DOCK1: variants seen among roughly 807,000 people sequenced by gnomAD.
DOCK1 encodes dedicator of cytokinesis 1.
A neutral mutation model predicts 262.7 loss-of-function variants in DOCK1; 138 were observed. That is an observed-to-expected ratio of 0.53 (90% CI 0.46 to 0.61). The LOEUF (loss-of-function observed/expected upper bound fraction) is 0.61, where lower values mean the gene tolerates loss of function less well. DOCK1 is among the 20% of genes least tolerant of loss of function. The probability of loss-of-function intolerance (pLI) is 0.00; values close to 1 mark genes in which losing one functional copy is unlikely to be tolerated. For synonymous variants in DOCK1, 866 were observed against 867.4 expected (o/e 1.00, Z 0.03); for missense variants, 1,908 against 2,370.7 (o/e 0.80, Z 4.05).
chr10:127,395,210 C>G (rs1260033307), intron 38 of DOCK1, among the ~76,000 whole-genome samples: 1 of 152,148 alleles, frequency 6.6e-6, no homozygotes, highest in Non-Finnish European at 1.5e-5. Flanking sequence ...GGTTTATAAA[C>G]CACAGATTCA....
chr10:127,440,626 A>G (rs2070048850), intron 49 of DOCK1, among the ~76,000 whole-genome samples: 1 of 152,186 alleles, frequency 6.6e-6, no homozygotes. Context: ...CCCAGAAGGT[A>G]CGTTTTATCT....
intron 29 of DOCK1, among the ~76,000 whole-genome samples, chr10:127,313,108 G>C (rs1564984266): frequency 6.6e-6 from 1 of 152,086 alleles, no homozygotes; most frequent in Non-Finnish European, 1.5e-5. Context: ...GACTCAGCCA[G>C]ACCTCAGCTG....
chr10:127,236,660 G>A (rs2059076462), intron 27 of DOCK1, among the ~76,000 whole-genome samples: 1 of 151,134 alleles, frequency 6.6e-6, no homozygotes, highest in Admixed American at 6.6e-5. Flanking sequence ...CATGAATATG[G>A]TATATTCCTC....
At chr10:127,232,815 A>C (rs927885583) in intron 27 of DOCK1, among the ~76,000 whole-genome samples, 1 of 152,238 alleles carries the variant, frequency 6.6e-6, no homozygotes, top group East Asian at 1.9e-4. Context: ...TGTGAAAAAC[A>C]TACTCAGTTT....
At chr10:127,268,503 CA>C (rs56689236) in intron 29 of DOCK1, among the ~76,000 whole-genome samples, 4 of 70,148 alleles carry the variant, frequency 5.7e-5, no homozygotes, top group South Asian at 6.8e-4. Flanking sequence ...GACTCCACCT[CA>C]AAAAAAAAAA....
intron 37 of DOCK1, among the ~76,000 whole-genome samples, chr10:127,381,658 T>C (rs566026629): frequency 2.6e-5 from 4 of 152,212 alleles, no homozygotes; most frequent in Non-Finnish European, 5.9e-5. Flanking sequence ...CTACAATTCC[T>C]TGTTCAGGAC....
At chr10:126,906,447 G>T (rs1272832117) in intron 1 of DOCK1, among the ~76,000 whole-genome samples, 4 of 152,168 alleles carry the variant, frequency 2.6e-5, no homozygotes, top group Non-Finnish European at 5.9e-5. Flanking sequence ...GTCGGGACTG[G>T]GCCGTGGCTA....
At chr10:126,958,379 C>G (rs2036917915) in intron 1 of DOCK1, among the ~76,000 whole-genome samples, 1 of 152,126 alleles carries the variant, frequency 6.6e-6, no homozygotes, top group Admixed American at 6.6e-5. Context: ...TTTAAACTCA[C>G]AGGGTTTGTT....
intron 29 of DOCK1, among the ~76,000 whole-genome samples, chr10:127,258,894 T>C (rs201218191): frequency 1.3e-5 from 2 of 152,242 alleles, no homozygotes; most frequent in East Asian, 3.8e-4. Context: ...CTTTAATGCC[T>C]ATTGTCCTTC....
In DOCK1 at chr10:127,301,628, C is replaced by T. The variant is rs560987753; in HGVS notation, c.3045-37378C>T. Among the ~76,000 whole-genome samples, 6 of 152,216 alleles carry T rather than the reference C, an allele frequency of 3.9e-5. No individual in the cohort carries two copies. In the South Asian group the frequency reaches 1.2e-3, roughly 32 times the overall value. On this transcript the variant is annotated intron_variant, in intron 29 of 51. Coordinates refer to ENST00000623213, the MANE Select transcript of DOCK1 (RefSeq NM_001290223.2). The stretch of plus-strand genomic sequence containing the variant: ...GGGCAAGGGTATGTAATGAACCAGC[C>T]ATTTAAAGATCCCTGGACATAAAAT...
At chr10:127,430,089 G>A (rs202218475) in intron 47 of DOCK1, among the ~76,000 whole-genome samples, 395 of 151,902 alleles carry the variant, frequency 2.6e-3, no homozygotes, top group Non-Finnish European at 4.7e-3. Flanking sequence ...CACAACACCC[G>A]CTGGCCACCC....
intron 32 of DOCK1, among the ~76,000 whole-genome samples, chr10:127,356,063 C>G (rs1335701653): frequency 2.6e-5 from 4 of 152,208 alleles, no homozygotes; most frequent in African/African-American, 9.7e-5. Flanking sequence ...TGGAGGACTC[C>G]TCGAGGAAGC....
intron 43 of DOCK1, among the ~76,000 whole-genome samples, chr10:127,414,758 T>C (rs2148378): frequency 0.013 from 1,922 of 152,366 alleles, 32 homozygotes; most frequent in African/African-American, 0.044. Flanking sequence ...TATTTGCCCC[T>C]TTTAGTTTCT....
At chr10:127,126,539 T>C (rs1157900022) in intron 26 of DOCK1, among the ~76,000 whole-genome samples, 1 of 152,108 alleles carries the variant, frequency 6.6e-6, no homozygotes, top group Non-Finnish European at 1.5e-5. Context: ...AAGACCAGCC[T>C]GGGCAACATA....
intron 4 of DOCK1, among the ~76,000 whole-genome samples, chr10:126,983,622 C>G (rs549068697): frequency 6.6e-6 from 1 of 152,254 alleles, no homozygotes; most frequent in African/African-American, 2.4e-5. Context: ...CTGTCTTTCT[C>G]TTGCAGGCTC....
chr10:127,175,643 C>T lies in DOCK1; in HGVS notation c.2847+47879C>T, dbSNP rs539100904. The T allele has an allele frequency of 3.2e-5, 51 of 1,613,374 alleles. No homozygotes were observed. The highest frequency in any genetic ancestry group is 6.7e-5 in the East Asian group (3 of 44,846). ...CAGGTGCGTAAACGGTGGCAACCTC[C>T]GTTTTAAACACCCTCCTGAGGGCAG... On this transcript the variant is annotated intron_variant, in intron 27 of 51. Coordinates refer to ENST00000623213, the MANE Select transcript of DOCK1 (RefSeq NM_001290223.2). This position sits in a 1 kb window ranked among gnomAD's most constrained non-coding sequence, Gnocchi z 6.3.
rs200738890 is a variant in DOCK1 at position 127,409,043 on chromosome 10, G to C, written c.4129G>C (p.Val1377Leu). 199 of 1,582,530 alleles carry C rather than the reference G, an allele frequency of 1.3e-4. No homozygotes were observed. Among genetic ancestry groups the C allele is most frequent in the Non-Finnish European group, 1.7e-4 (194 of 1,163,138 alleles). Residue 1377 changes from valine to leucine, a missense_variant, in exon 41 of 52, where the codon GTT becomes CTT. Physicochemically the swap from Val to Leu is conservative, Grantham distance 32 (BLOSUM62 1). Transcript: ENST00000623213. ...QGFPTFLRGKVFIYRGKEYER... is the reference protein window; with the variant it reads ...QGFPTFLRGKLFIYRGKEYER... Reference sequence around the variant, plus strand: ...TGAATGTCACCCTTTTCAGGGAAAAGTTTTCATTTACCGAGGGAAAGAGTA... The same window carrying C: ...TGAATGTCACCCTTTTCAGGGAAAACTTTTCATTTACCGAGGGAAAGAGTA...
chr10:127,366,037 G>A (rs558656383), intron 33 of DOCK1, among the ~76,000 whole-genome samples: 5 of 152,030 alleles, frequency 3.3e-5, no homozygotes, highest in Admixed American at 1.3e-4. Flanking sequence ...GAAACATGCC[G>A]TGCTTGGATG....
chr10:127,299,669 GC>G (rs1473074807), intron 29 of DOCK1, among the ~76,000 whole-genome samples: 1 of 152,098 alleles, frequency 6.6e-6, no homozygotes, highest in Non-Finnish European at 1.5e-5. Context: ...ATTGCTTTAA[GC>G]CCCCCAGCTT....
Sources: gnomAD v4.1 joint callset for allele counts (sites outside exome capture counted in the v4.1 genomes callset) on GRCh38, gnomAD v4.1.1 for gene constraint, Gnocchi (gnomAD v3.1) non-coding constraint, MANE v1.5 for transcripts, NCBI Gene and HGNC (gene_info 2026-07-23, HGNC 2026-07-21) for gene names.